The following ARG2 variants were observed in gnomAD, a reference collection of about 807,000 sequenced individuals.
ARG2 encodes arginase 2.
A neutral mutation model predicts 39.4 loss-of-function variants in ARG2; 21 were observed. The ratio of observed to expected loss-of-function variants is 0.53; its 90% CI spans 0.38 to 0.77. The LOEUF is 0.77. Ranked by LOEUF, ARG2 falls within the 30% of genes least tolerant of loss-of-function variation. ARG2 has a pLI of 0.00. For synonymous variants in ARG2, 150 were observed against 156.7 expected, an observed-to-expected ratio of 0.96 and a Z score of 0.32; for missense variants, 378 against 426.2, an observed-to-expected ratio of 0.89 and a Z score of 1.00.
chr14:67,639,115 T>C (rs1251184832), intron 2 of ARG2, among the ~76,000 whole-genome samples: 1 of 152,218 alleles, frequency 6.6e-6, no homozygotes, highest in East Asian at 1.9e-4. Context: ...TTCTATGAAA[T>C]TCAGTCTCTC....
At chr14:67,647,303 T>G in intron 6 of ARG2, 1 of 314,838 alleles carries the variant, frequency 3.2e-6, no homozygotes. Context: ...AAGCATTTAT[T>G]GTTTCAACTG....
intron 2 of ARG2, among the ~76,000 whole-genome samples, chr14:67,634,952 A>G (rs2140744513): frequency 6.6e-6 from 1 of 152,304 alleles, no homozygotes; most frequent in South Asian, 2.1e-4. Context: ...CTCAAGACAC[A>G]TGGTTCTTTG....
chr14:67,649,517 T>C (rs1414208589), intron 7 of ARG2: 1 of 152,136 alleles, frequency 6.6e-6, no homozygotes, highest in African/African-American at 2.4e-5. Context: ...GTCATGTATA[T>C]ATTTCTAATA....
At chr14:67,643,852 T>TA (rs553614739) in intron 3 of ARG2, among the ~76,000 whole-genome samples, 876 of 81,134 alleles carry the variant, frequency 0.011, 75 homozygotes, top group African/African-American at 0.034. Flanking sequence ...TCCTTGGGAG[T>TA]AAAAAAAAAA....
rs895868696 is a variant in ARG2, at chr14:67,648,311, C to A, written c.859+128C>A. On this transcript the variant is annotated intron_variant, in intron 7 of 7. Coordinates refer to ENST00000261783, the MANE Select transcript of ARG2 (RefSeq NM_001172.4). ...TTTGTTTTTGCTTAAACTTTTGTAG[C>A]TAAAAATTATATGGCCATGCTAATA... The A allele has an allele frequency of 3.7e-6, 4 of 1,087,454 alleles. No individual in the cohort carries two copies. The African/African-American group carries it at 4.8e-5, about 13-fold the overall frequency. 67.4% of individuals were successfully genotyped at this position (1,087,454 alleles called of 1,614,324 possible). A position where few individuals can be genotyped will look rare whatever the true frequency, so the allele number is the denominator to read the frequency against.
chr14:67,629,204 T>G (rs1038763202), intron 2 of ARG2, among the ~76,000 whole-genome samples: 1 of 152,040 alleles, frequency 6.6e-6, no homozygotes, highest in African/African-American at 2.4e-5. Context: ...GGTGTGGTGG[T>G]GCATGCACAT....
chr14:67,646,688 T>C lies in ARG2; in HGVS notation c.567T>C (p.Ser189=). The C allele has an allele frequency of 6.2e-7, 1 of 1,613,880 alleles. No homozygotes were observed. The highest frequency in any genetic ancestry group is 8.5e-7 in the Non-Finnish European group (1 of 1,179,758). The change falls in exon 5 of 8, where the codon TCT becomes TCC. Residue 189 remains serine, a synonymous_variant. Coordinates refer to ENST00000261783, the MANE Select transcript of ARG2 (RefSeq NM_001172.4). ...TTTCCTGGATCAAACCTTGTATCTC[T>C]TCTGCAAGTATTGTGTATATTGGTC... ...PGFSWIKPCI[S]SASIVYIGLR... is the part of the protein sequence containing the mutation.
intron 2 of ARG2, among the ~76,000 whole-genome samples, chr14:67,631,262 T>C (rs1173042189): frequency 1.3e-5 from 2 of 152,180 alleles, no homozygotes; most frequent in Admixed American, 6.5e-5. Context: ...TAGGCCATCA[T>C]TGCAATAAAC....
chr14:67,629,829 A>T (rs2036901186), intron 2 of ARG2, among the ~76,000 whole-genome samples: 2 of 152,268 alleles, frequency 1.3e-5, no homozygotes, highest in African/African-American at 4.8e-5. Flanking sequence ...GACTACACAG[A>T]AAACCTTTCT....
At chr14:67,631,969 G>C (rs1165292585) in intron 2 of ARG2, among the ~76,000 whole-genome samples, 1 of 152,106 alleles carries the variant, frequency 6.6e-6, no homozygotes, top group Admixed American at 6.6e-5. Context: ...CTACCTCATG[G>C]GCTCAAGTGA....
chr14:67,629,959 A>G (rs1195454816), intron 2 of ARG2, among the ~76,000 whole-genome samples: 1 of 152,204 alleles, frequency 6.6e-6, no homozygotes, highest in East Asian at 1.9e-4. Context: ...AAAAATCTTT[A>G]AAAAATCATC....
At position 67,620,875 on chromosome 14, in the gene ARG2, T is replaced by C. The variant is rs1304486347; in HGVS notation, c.112-19T>C. ...GACACCTTCTCTACCTCTAATTGTG[T>C]AATTTGTGTGACTGACAGAAAAGAA... On this transcript the variant is annotated intron_variant, in intron 1 of 7. Transcript: ENST00000261783. 1 of 1,613,758 alleles carries C rather than the reference T, an allele frequency of 6.2e-7. No individual in the cohort carries two copies.
chr14:67,636,814 C>T (rs1433380589), intron 2 of ARG2, among the ~76,000 whole-genome samples: 1 of 152,260 alleles, frequency 6.6e-6, no homozygotes, highest in East Asian at 1.9e-4. Flanking sequence ...CACATTGTTC[C>T]AAATCTATTT....
chr14:67,620,990 T>C (rs1438211983), intron 2 of ARG2, 24 bp downstream of exon 2: 3 of 1,608,696 alleles, frequency 1.9e-6, no homozygotes, highest in African/African-American at 2.7e-5. Context: ...TTTTTAGATA[T>C]TAGTGCAGGA....
intron 2 of ARG2, among the ~76,000 whole-genome samples, chr14:67,636,261 CAAAA>C (rs77716844): frequency 2.1e-5 from 3 of 142,692 alleles, no homozygotes; most frequent in African/African-American, 7.7e-5. Flanking sequence ...CTTATGCTGT[CAAAA>C]AAAAAAACCC....
intron 2 of ARG2, among the ~76,000 whole-genome samples, chr14:67,635,019 T>C (rs557738118): frequency 3.4e-4 from 51 of 152,120 alleles, no homozygotes; most frequent in African/African-American, 1.2e-3. Context: ...CTGAAGAGGG[T>C]GGATCGCCTG....
At chr14:67,626,111 G>A (rs1013152753) in intron 2 of ARG2, among the ~76,000 whole-genome samples, 2 of 151,990 alleles carry the variant, frequency 1.3e-5, no homozygotes, top group Non-Finnish European at 2.9e-5. Context: ...AAAATTAGCC[G>A]GATGTGGTGG....
At chr14:67,622,089 CAAAT>C (rs894717173) in intron 2 of ARG2, among the ~76,000 whole-genome samples, 2 of 152,068 alleles carry the variant, frequency 1.3e-5, no homozygotes, top group Admixed American at 6.5e-5. Context: ...GACTCCATCT[CAAAT>C]AAATAAATAA....
chr14:67,646,708 T>C lies in ARG2; in HGVS notation c.587T>C (p.Ile196Thr). 1 of 1,613,896 alleles carries C rather than the reference T, an allele frequency of 6.2e-7. No homozygotes were observed. Among genetic ancestry groups the C allele is most frequent in the Non-Finnish European group, 8.5e-7 (1 of 1,179,778 alleles). Residue 196 changes from isoleucine (I) to threonine (T), a missense_variant, in exon 5 of 8, where the codon ATT (isoleucine) becomes ACT (threonine). Ile to Thr is a moderately conservative substitution (Grantham distance 89, BLOSUM62 -1). Transcript: ENST00000261783. ...PCISSASIVY[I>T]GLRDVDPPEH... ...ATCTCTTCTGCAAGTATTGTGTATA[T>C]TGGTCTGAGAGACGTGGACCCTCCT...
Sources: gnomAD v4.1 joint callset for allele counts (sites outside exome capture counted in the v4.1 genomes callset) on GRCh38, gnomAD v4.1.1 for gene constraint, MANE v1.5 for transcripts, NCBI Gene and HGNC (gene_info 2026-07-23, HGNC 2026-07-21) for gene names.